Variants in SPOCK1 observed in about 807,000 individuals in gnomAD.
SPOCK1 encodes SPARC (osteonectin), cwcv and kazal like domains proteoglycan 1, also known as testican-1.
SPOCK1 carries 23 observed loss-of-function variants against 55.3 expected under a neutral mutation model. The ratio of observed to expected loss-of-function variants is 0.42; its 90% confidence interval spans 0.30 to 0.59. SPOCK1 has a LOEUF of 0.59. Among genes scored for constraint, SPOCK1 ranks in the 20% least tolerant of loss-of-function variants. SPOCK1 has a pLI of 0.22. For missense variants in SPOCK1, 499 were observed against 552.5 expected (o/e 0.90, Z 0.97); for synonymous variants, 226 against 221.0 (o/e 1.02, Z -0.20).
In SPOCK1 at chr5:137,271,851, G is replaced by C. The variant is rs576263961; in HGVS notation, c.187-4796C>G. 3.3e-5 allele frequency among the ~76,000 whole-genome samples: 5 copies of C among 152,220 alleles called. 1 individual carries two copies. In the South Asian group the frequency reaches 1.0e-3, roughly 32 times the overall value. On this transcript the variant is annotated intron_variant, in intron 2 of 10. Transcript: ENST00000394945. The stretch of plus-strand genomic sequence containing the variant: ...AAACACATTTAGTTCTCATGAAACC[G>C]ATCGTTTCTCCTTCATACATATTTT...
chr5:137,417,195 GT>G (rs1049529308), intron 2 of SPOCK1, among the ~76,000 whole-genome samples: 3 of 151,618 alleles, frequency 2.0e-5, no homozygotes, highest in South Asian at 2.1e-4. Flanking sequence ...ATGAAGTTCA[GT>G]TTTTTTTCTC....
chr5:137,324,357 G>A (rs1484780947), intron 2 of SPOCK1, among the ~76,000 whole-genome samples: 1 of 152,034 alleles, frequency 6.6e-6, no homozygotes, highest in Non-Finnish European at 1.5e-5. Flanking sequence ...AGGCAGGAGA[G>A]TCGCTTGAAC....
intron 3 of SPOCK1, among the ~76,000 whole-genome samples, chr5:137,187,948 T>C (rs944204697): frequency 3.3e-5 from 5 of 152,192 alleles, no homozygotes; most frequent in Non-Finnish European, 7.3e-5. Context: ...GAAGTAACAA[T>C]GGCTCAAGAA....
chr5:137,456,686 T>C (rs1156435121), intron 2 of SPOCK1, among the ~76,000 whole-genome samples: 1 of 152,176 alleles, frequency 6.6e-6, no homozygotes, highest in Admixed American at 6.5e-5. Flanking sequence ...TAATGAATGA[T>C]GAAGGAAAGA....
intron 6 of SPOCK1, among the ~76,000 whole-genome samples, chr5:137,001,152 G>A (rs188705785): frequency 6.6e-6 from 1 of 152,296 alleles, no homozygotes; most frequent in East Asian, 1.9e-4. Flanking sequence ...GGTGATAACA[G>A]AACTAGTATT....
chr5:137,319,744 G>T (rs897258079), intron 2 of SPOCK1, among the ~76,000 whole-genome samples: 55 of 151,876 alleles, frequency 3.6e-4, no homozygotes, highest in African/African-American at 1.3e-3. Flanking sequence ...AGGAGATCGA[G>T]ACCATCCTGG....
At chr5:137,312,245 C>T (rs1199059869) in intron 2 of SPOCK1, among the ~76,000 whole-genome samples, 1 of 152,156 alleles carries the variant, frequency 6.6e-6, no homozygotes, top group Non-Finnish European at 1.5e-5. Flanking sequence ...GCTTACCATG[C>T]CTGGTCCCAG....
chr5:137,258,624 ATAAT>A (rs1478056440), intron 3 of SPOCK1, among the ~76,000 whole-genome samples: 1 of 152,260 alleles, frequency 6.6e-6, no homozygotes, highest in African/African-American at 2.4e-5. Context: ...CAAGTACAAT[ATAAT>A]TAATTCAGGG....
chr5:137,052,205 C>T (rs992569332), intron 6 of SPOCK1, among the ~76,000 whole-genome samples: 3 of 152,186 alleles, frequency 2.0e-5, no homozygotes, highest in Non-Finnish European at 4.4e-5. Context: ...GAGGTTGCCT[C>T]ATACAAGCCC....
chr5:137,162,866 A>G (rs1277746315), intron 3 of SPOCK1, among the ~76,000 whole-genome samples: 1 of 152,212 alleles, frequency 6.6e-6, no homozygotes, highest in Non-Finnish European at 1.5e-5. Flanking sequence ...ATGTCCCTAA[A>G]GAATCTCCTG....
intron 2 of SPOCK1, among the ~76,000 whole-genome samples, chr5:137,331,696 G>C (rs1025495169): frequency 6.6e-6 from 1 of 152,184 alleles, no homozygotes; most frequent in African/African-American, 2.4e-5. Context: ...ACCAGGTCTT[G>C]GTGAACTAAC....
intron 2 of SPOCK1, among the ~76,000 whole-genome samples, chr5:137,411,018 C>T (rs903795152): frequency 6.6e-5 from 10 of 152,212 alleles, no homozygotes; most frequent in Non-Finnish European, 1.2e-4. Context: ...AATGCCCATG[C>T]TTCTCAGGAC....
intron 2 of SPOCK1, among the ~76,000 whole-genome samples, chr5:137,466,778 G>T (rs1753632220): frequency 1.3e-5 from 2 of 152,226 alleles, no homozygotes; most frequent in African/African-American, 4.8e-5. Context: ...ATCTGTGTAT[G>T]AGTTATCTAT....
intron 2 of SPOCK1, among the ~76,000 whole-genome samples, chr5:137,316,450 A>AT (rs1393136350): frequency 2.0e-5 from 3 of 152,102 alleles, no homozygotes; most frequent in Non-Finnish European, 4.4e-5. Context: ...CTGGTCCTTG[A>AT]TATCATGTGA....
intron 2 of SPOCK1, among the ~76,000 whole-genome samples, chr5:137,439,923 C>T (rs2149831746): frequency 6.6e-6 from 1 of 152,306 alleles, no homozygotes; most frequent in African/African-American, 2.4e-5. Context: ...ACTAGCCCCA[C>T]CCACACATCA....
At chr5:137,156,145 G>T (rs992934688) in intron 3 of SPOCK1, among the ~76,000 whole-genome samples, 3 of 151,044 alleles carry the variant, frequency 2.0e-5, no homozygotes, top group Admixed American at 1.3e-4. Flanking sequence ...CTCAGGTCCT[G>T]GGGGAGCAGG....
At chr5:137,095,276 C>A (rs953273747) in intron 5 of SPOCK1, among the ~76,000 whole-genome samples, 1 of 152,152 alleles carries the variant, frequency 6.6e-6, no homozygotes, top group Admixed American at 6.5e-5. Context: ...GAAGTGAGCA[C>A]CCATTGTTGA....
chr5:137,498,384 G>C lies in SPOCK1; in HGVS notation c.175C>G (p.Arg59Gly). 2 of 1,599,532 alleles carry C rather than the reference G, an allele frequency of 1.3e-6. No homozygotes were observed. Among genetic ancestry groups the C allele is most frequent in the Non-Finnish European group, 1.7e-6 (2 of 1,172,818 alleles). ...GCGCCGGTACTCACGTCTCGAAAGC[G>C]GTTCCAGTACTTGTCCCGGTCGTAC... ...SQYDRDKYWNRFRDDDYFRNW... is the reference protein window; with the variant it reads ...SQYDRDKYWNGFRDDDYFRNW... The change falls in exon 2 of 11, where the codon CGC becomes GGC. Residue 59 changes from arginine (R) to glycine (G), a missense_variant. By Grantham distance (125) the Arg-to-Gly change is moderately radical. Coordinates refer to ENST00000394945, the MANE Select transcript of SPOCK1 (RefSeq NM_004598.4).
At chr5:137,303,849 C>T (rs1757649263) in intron 2 of SPOCK1, among the ~76,000 whole-genome samples, 1 of 152,224 alleles carries the variant, frequency 6.6e-6, no homozygotes, top group Non-Finnish European at 1.5e-5. Context: ...ATTCCAGCAA[C>T]TCTTTGCCCT....
Sources: allele counts gnomAD v4.1 joint callset (sites outside exome capture counted in the v4.1 genomes callset), GRCh38; gene constraint gnomAD v4.1.1; transcripts MANE v1.5; gene names NCBI Gene and HGNC (gene_info 2026-07-23, HGNC 2026-07-21).